TBC1D19: variants seen among roughly 807,000 people sequenced by gnomAD.
The protein encoded by TBC1D19 is TBC1 domain family, member 19.
In TBC1D19, 60 loss-of-function variants were observed where a neutral mutation model predicts 89.0. The observed-to-expected ratio is 0.67, with a 90% CI of 0.55 to 0.84. TBC1D19 has a LOEUF of 0.84. TBC1D19 is among the 40% of genes least tolerant of loss of function. The pLI, the probability that TBC1D19 is intolerant of heterozygous loss-of-function variation, is 0.00. For synonymous variants in TBC1D19, 189 were observed against 199.7 expected (o/e 0.95, Z 0.45); for missense variants, 500 against 610.8 (o/e 0.82, Z 1.91).
chr4:26,648,066 C>G (rs1055617574), intron 7 of TBC1D19, among the ~76,000 whole-genome samples: 1 of 152,240 alleles, frequency 6.6e-6, no homozygotes, highest in Non-Finnish European at 1.5e-5. Flanking sequence ...ATTGACAACA[C>G]TCACAAGACT....
chr4:26,783,654 G>A, the TBC1D19 span, among the ~76,000 whole-genome samples: 2 of 152,250 alleles, frequency 1.3e-5, no homozygotes, highest in South Asian at 2.1e-4. Context: ...AAATAAAGGG[G>A]GTATGCTTTT....
the TBC1D19 span, among the ~76,000 whole-genome samples, chr4:26,821,157 C>A: frequency 6.6e-6 from 1 of 152,162 alleles, no homozygotes; most frequent in African/African-American, 2.4e-5. Context: ...TTCTCGTGTC[C>A]TTGCCACACT....
chr4:26,670,005 G>A (rs968516018), intron 9 of TBC1D19, among the ~76,000 whole-genome samples: 2 of 151,586 alleles, frequency 1.3e-5, no homozygotes, highest in Admixed American at 6.6e-5. Flanking sequence ...TGTGAAAACT[G>A]TCTCCAGTGC....
the TBC1D19 span, among the ~76,000 whole-genome samples, chr4:26,815,115 T>C: frequency 6.6e-6 from 1 of 152,196 alleles, no homozygotes; most frequent in African/African-American, 2.4e-5. Flanking sequence ...ATTAAAATTA[T>C]CTTCTCCTTC....
chr4:26,592,330 A>G (rs1264093312), intron 1 of TBC1D19, among the ~76,000 whole-genome samples: 1 of 152,214 alleles, frequency 6.6e-6, no homozygotes, highest in Non-Finnish European at 1.5e-5. Context: ...TATTGATGGG[A>G]CATATCTCAA....
At chr4:26,596,372 A>G (rs896337529) in intron 1 of TBC1D19, among the ~76,000 whole-genome samples, 1 of 151,998 alleles carries the variant, frequency 6.6e-6, no homozygotes, top group Non-Finnish European at 1.5e-5. Flanking sequence ...TGTATAAATT[A>G]TTGGCCTAAA....
At chr4:26,599,938 A>T (rs1740483062) in intron 1 of TBC1D19, among the ~76,000 whole-genome samples, 1 of 111,726 alleles carries the variant, frequency 9.0e-6, no homozygotes, top group African/African-American at 3.8e-5. Flanking sequence ...ACAAAGCAAT[A>T]CTCTGTCTCT....
chr4:26,684,881 C>T (rs888554850), intron 12 of TBC1D19, among the ~76,000 whole-genome samples: 9 of 152,112 alleles, frequency 5.9e-5, no homozygotes, highest in South Asian at 2.1e-4. Flanking sequence ...TTAGTGCATA[C>T]AACTACCTAA....
chr4:26,688,933 A>C (rs1179186789), intron 13 of TBC1D19, among the ~76,000 whole-genome samples: 1 of 152,018 alleles, frequency 6.6e-6, no homozygotes, highest in East Asian at 1.9e-4. Flanking sequence ...TGCTTACATG[A>C]TGTTCTTTTT....
the TBC1D19 span, among the ~76,000 whole-genome samples, chr4:26,804,986 A>AAGC: frequency 2.0e-5 from 3 of 152,128 alleles, no homozygotes; most frequent in Non-Finnish European, 4.4e-5. Context: ...GATGGAAAGG[A>AAGC]AGCAGCGTGA....
At chr4:26,713,700 A>G (rs188861208) in intron 13 of TBC1D19, among the ~76,000 whole-genome samples, 78 of 152,204 alleles carry the variant, frequency 5.1e-4, no homozygotes, top group African/African-American at 1.3e-3. Context: ...GATTTAGACT[A>G]TGTAATAGAA....
intron 1 of TBC1D19, among the ~76,000 whole-genome samples, chr4:26,594,715 C>G (rs1420659091): frequency 6.6e-6 from 1 of 152,160 alleles, no homozygotes; most frequent in Non-Finnish European, 1.5e-5. Flanking sequence ...CGTAACTTAA[C>G]TCTTTGTTCA....
At chr4:26,616,412 T>C (rs1416093848) in intron 3 of TBC1D19, among the ~76,000 whole-genome samples, 2 of 152,182 alleles carry the variant, frequency 1.3e-5, no homozygotes, top group East Asian at 1.9e-4. Context: ...TCTTTTCATA[T>C]GGAAGTGCAC....
intron 1 of TBC1D19, among the ~76,000 whole-genome samples, chr4:26,592,531 A>C (rs1739888428): frequency 6.6e-6 from 1 of 152,206 alleles, no homozygotes; most frequent in Non-Finnish European, 1.5e-5. Flanking sequence ...TCAATTAGGA[A>C]AAGAGGAAAT....
chr4:26,720,701 T>C (rs114673284), intron 15 of TBC1D19, among the ~76,000 whole-genome samples: 210 of 152,210 alleles, frequency 1.4e-3, no homozygotes, highest in African/African-American at 4.9e-3. Context: ...AATATTAAGT[T>C]GCATCCTGAA....
the TBC1D19 span, among the ~76,000 whole-genome samples, chr4:26,761,539 T>A: frequency 6.6e-6 from 1 of 152,230 alleles, no homozygotes; most frequent in African/African-American, 2.4e-5. Flanking sequence ...ATTGATATTT[T>A]ATATTGACCT....
At chr4:26,787,981 A>C in the TBC1D19 span, among the ~76,000 whole-genome samples, 1 of 152,202 alleles carries the variant, frequency 6.6e-6, no homozygotes, top group Non-Finnish European at 1.5e-5. Flanking sequence ...GTTAAGAAGC[A>C]AGTGATTTTT....
intron 15 of TBC1D19, among the ~76,000 whole-genome samples, chr4:26,720,383 C>G (rs769360210): frequency 1.1e-4 from 17 of 152,116 alleles, no homozygotes; most frequent in Non-Finnish European, 2.4e-4. Flanking sequence ...AAGTCCAAGG[C>G]ACTTCATTTT....
At chr4:26,813,881 A>T in the TBC1D19 span, among the ~76,000 whole-genome samples, 1 of 152,196 alleles carries the variant, frequency 6.6e-6, no homozygotes, top group Non-Finnish European at 1.5e-5. Flanking sequence ...GGAGAACGGT[A>T]AGCTGGGGTG....
Sources: gnomAD v4.1 joint callset for allele counts (sites outside exome capture counted in the v4.1 genomes callset) on GRCh38, gnomAD v4.1.1 for gene constraint, MANE v1.5 for transcripts, NCBI Gene and HGNC (gene_info 2026-07-23, HGNC 2026-07-21) for gene names.